The following SPOCK1 variants were observed in gnomAD, a reference collection of about 807,000 sequenced individuals.
SPOCK1 encodes the protein SPARC (osteonectin), cwcv and kazal like domains proteoglycan 1.
A neutral mutation model predicts 55.3 loss-of-function variants in SPOCK1; 23 were observed. That is an observed-to-expected ratio of 0.42 (90% confidence interval 0.30 to 0.59). The LOEUF is 0.59. Ranked by LOEUF, SPOCK1 falls within the 20% of genes least tolerant of loss-of-function variation. SPOCK1 has a pLI of 0.22. For missense variants in SPOCK1, 499 were observed against 552.5 expected (o/e 0.90, Z 0.97); for synonymous variants, 226 against 221.0 (o/e 1.02, Z -0.20).
chr5:137,082,613 A>G (rs1199389851), intron 5 of SPOCK1, among the ~76,000 whole-genome samples: 2 of 152,186 alleles, frequency 1.3e-5, no homozygotes, highest in Non-Finnish European at 2.9e-5. Context: ...AGGAAAAGAG[A>G]TACAAGAGAA....
chr5:137,132,667 G>C (rs530326006), intron 4 of SPOCK1, among the ~76,000 whole-genome samples: 1 of 152,218 alleles, frequency 6.6e-6, no homozygotes, highest in African/African-American at 2.4e-5. Context: ...GCACATCCTG[G>C]GAATTCAACC....
At chr5:137,025,178 A>G (rs4976398) in intron 6 of SPOCK1, among the ~76,000 whole-genome samples, 129,093 of 152,174 alleles carry the variant, frequency 0.85, 55,282 homozygotes, top group South Asian at 0.95. Context: ...CTGGAGATCC[A>G]TTGTACAACA....
chr5:137,278,831 A>G (rs1757117097), intron 2 of SPOCK1, among the ~76,000 whole-genome samples: 1 of 152,234 alleles, frequency 6.6e-6, no homozygotes, highest in African/African-American at 2.4e-5. Context: ...CGGATGGTCC[A>G]GAGAACCTAC....
At chr5:137,348,697 C>G (rs1750613369) in intron 2 of SPOCK1, among the ~76,000 whole-genome samples, 1 of 151,994 alleles carries the variant, frequency 6.6e-6, no homozygotes, top group Non-Finnish European at 1.5e-5. Context: ...AAAACTGCAA[C>G]AATTACATTG....
chr5:137,436,490 G>A (rs750227141), intron 2 of SPOCK1, among the ~76,000 whole-genome samples: 19 of 151,976 alleles, frequency 1.3e-4, no homozygotes, highest in Non-Finnish European at 2.2e-4. Flanking sequence ...TAATAACCAC[G>A]TGGTCTTAAT....
chr5:137,124,810 ATG>A (rs1753757258), intron 4 of SPOCK1, among the ~76,000 whole-genome samples: 1 of 152,166 alleles, frequency 6.6e-6, no homozygotes, highest in Non-Finnish European at 1.5e-5. Flanking sequence ...CTGACTTTAG[ATG>A]TGTGTAGTCA....
intron 2 of SPOCK1, among the ~76,000 whole-genome samples, chr5:137,386,185 C>A (rs1488512622): frequency 2.0e-5 from 3 of 152,114 alleles, no homozygotes; most frequent in Non-Finnish European, 4.4e-5. Context: ...AGTACAAGAT[C>A]TATATGAGGA....
chr5:137,334,756 C>T (rs1750202943), intron 2 of SPOCK1, among the ~76,000 whole-genome samples: 1 of 152,164 alleles, frequency 6.6e-6, no homozygotes, highest in South Asian at 2.1e-4. Flanking sequence ...TAATCGCTGC[C>T]CTCTTGCCCG....
chr5:137,100,392 C>T (rs1753238942), intron 5 of SPOCK1, among the ~76,000 whole-genome samples: 1 of 152,124 alleles, frequency 6.6e-6, no homozygotes, highest in African/African-American at 2.4e-5. Context: ...TAAAGAGAAG[C>T]CAGGTGGCTG....
intron 5 of SPOCK1, among the ~76,000 whole-genome samples, chr5:137,100,039 A>C (rs1753232270): frequency 6.6e-6 from 1 of 152,192 alleles, no homozygotes; most frequent in Admixed American, 6.5e-5. Flanking sequence ...TCGGTATCAG[A>C]GAGTTTTCAG....
At chr5:137,067,948 C>A (rs1030970329) in intron 5 of SPOCK1, 119 bp from the exon 6 acceptor site, 30 of 742,792 alleles carry the variant, frequency 4.0e-5, no homozygotes, top group Non-Finnish European at 6.2e-5. Context: ...AGGGAGAGGT[C>A]GACCTCAGGT....
intron 2 of SPOCK1, among the ~76,000 whole-genome samples, chr5:137,271,153 T>C (rs977027946): frequency 2.0e-5 from 3 of 151,826 alleles, no homozygotes; most frequent in Non-Finnish European, 4.4e-5. Flanking sequence ...CAAATAAGAC[T>C]CCAGTTATTG....
chr5:137,119,539 G>A (rs1753649661), intron 4 of SPOCK1, among the ~76,000 whole-genome samples: 1 of 152,148 alleles, frequency 6.6e-6, no homozygotes, highest in South Asian at 2.1e-4. Context: ...TTTCCATCGT[G>A]GGGTATGTGG....
At chr5:137,332,715 T>C (rs1758209439) in intron 2 of SPOCK1, among the ~76,000 whole-genome samples, 1 of 152,186 alleles carries the variant, frequency 6.6e-6, no homozygotes, top group Admixed American at 6.5e-5. Context: ...TTCATATATA[T>C]GTATGTGTGT....
chr5:137,040,559 T>C lies in SPOCK1; in HGVS notation c.589+27156A>G, dbSNP rs151111419. 2.3e-3 allele frequency among the ~76,000 whole-genome samples: 357 copies of C among 152,350 alleles called. 2 individuals are homozygous for C. The highest frequency in any genetic ancestry group is 8.3e-3 in the African/African-American group (346 of 41,582). Reference sequence around the variant, plus strand: ...ACCCAATTTGCCATATGACAGACCATAGAAGTGACCAGAGAAGTTTCTGCA... The same window carrying C: ...ACCCAATTTGCCATATGACAGACCACAGAAGTGACCAGAGAAGTTTCTGCA... On this transcript the variant is annotated intron_variant, in intron 6 of 10. Transcript: ENST00000394945.
chr5:137,292,426 TAAAA>T (rs753574851), intron 2 of SPOCK1, among the ~76,000 whole-genome samples: 12 of 37,966 alleles, frequency 3.2e-4, no homozygotes, highest in African/African-American at 1.1e-3. Flanking sequence ...CTGGTGTAGT[TAAAA>T]AAAAAAAAAA....
At chr5:137,347,139 G>A (rs368977465) in intron 2 of SPOCK1, among the ~76,000 whole-genome samples, 10 of 152,188 alleles carry the variant, frequency 6.6e-5, no homozygotes, top group East Asian at 1.9e-4. Flanking sequence ...CACCCACATC[G>A]TAGCTGAAGT....
At chr5:137,130,564 C>T (rs146438984) in intron 4 of SPOCK1, among the ~76,000 whole-genome samples, 2 of 152,340 alleles carry the variant, frequency 1.3e-5, no homozygotes, top group East Asian at 3.9e-4. Flanking sequence ...CAGAGATGGC[C>T]TCCCTGGTGC....
rs548003461 is a variant in SPOCK1, at chr5:137,299,369, T to A, written c.187-32314A>T. ...TATACCCCTTACAAATCCAATAAAG[T>A]TTTTTAAGTTTTTGATCCAAATTAC... On this transcript the variant is annotated intron_variant, in intron 2 of 10. Coordinates refer to ENST00000394945, the MANE Select transcript of SPOCK1 (RefSeq NM_004598.4). Among the ~76,000 whole-genome samples, 7 of 152,152 alleles carry A rather than the reference T, an allele frequency of 4.6e-5. No homozygotes were observed. The South Asian group carries it at 1.0e-3, about 23-fold the overall frequency.
Sources: allele counts gnomAD v4.1 joint callset (sites outside exome capture counted in the v4.1 genomes callset), GRCh38; gene constraint gnomAD v4.1.1; transcripts MANE v1.5; gene names NCBI Gene and HGNC (gene_info 2026-07-23, HGNC 2026-07-21).